CYSTM1: variants seen among roughly 807,000 people sequenced by gnomAD.
CYSTM1 encodes cysteine rich transmembrane module containing 1.
CYSTM1 carries 4 observed loss-of-function variants against 13.1 expected under a neutral mutation model. The observed-to-expected ratio is 0.31, with a 90% CI of 0.15 to 0.70. The LOEUF (loss-of-function observed/expected upper bound fraction) is 0.70. CYSTM1 is among the 30% of genes least tolerant of loss of function. The probability of loss-of-function intolerance (pLI) is 0.72; values close to 1 mark genes in which losing one functional copy is unlikely to be tolerated. For synonymous variants in CYSTM1, 36 were observed against 42.7 expected, an observed-to-expected ratio of 0.84 and a Z score of 0.62; for missense variants, 96 against 121.6, an observed-to-expected ratio of 0.79 and a Z score of 0.99.
chr5:140,206,829 C>T (rs2126662135), intron 2 of CYSTM1, among the ~76,000 whole-genome samples: 1 of 152,162 alleles, frequency 6.6e-6, no homozygotes, highest in Admixed American at 6.5e-5. Flanking sequence ...AGAGGGGTCT[C>T]ACCAAACACT....
At chr5:140,241,628 T>C (rs1257408017) in intron 2 of CYSTM1, among the ~76,000 whole-genome samples, 19 of 152,164 alleles carry the variant, frequency 1.2e-4, no homozygotes, top group Admixed American at 1.2e-3. Flanking sequence ...GAAGGGGTTA[T>C]TCAAGGGGAT....
intron 2 of CYSTM1, among the ~76,000 whole-genome samples, chr5:140,217,290 G>T (rs1004465035): frequency 6.6e-6 from 1 of 152,106 alleles, no homozygotes; most frequent in Non-Finnish European, 1.5e-5. Context: ...TAATTTGTTT[G>T]TGAAGGATTA....
chr5:140,226,578 AC>A (rs1764557566), intron 2 of CYSTM1, among the ~76,000 whole-genome samples: 2 of 96,984 alleles, frequency 2.1e-5, no homozygotes, highest in African/African-American at 7.8e-5. Context: ...TATATTATAT[AC>A]TAAATATTAT....
intron 2 of CYSTM1, among the ~76,000 whole-genome samples, chr5:140,214,924 T>C (rs1177106387): frequency 2.0e-5 from 3 of 152,224 alleles, no homozygotes; most frequent in Admixed American, 1.3e-4. Flanking sequence ...TAGGATATAT[T>C]CTTCCCAGTA....
In CYSTM1 at chr5:140,194,748, T is replaced by C. The variant is rs145222549; in HGVS notation, c.187+96T>C. 2.8e-6 allele frequency: 4 copies of C among 1,433,168 alleles called. No homozygotes were observed. The African/African-American group carries it at 5.8e-5, about 21-fold the overall frequency. 88.8% of individuals were successfully genotyped at this position (1,433,168 alleles called of 1,614,324 possible). ...CAGAGAAGAAATTCTTTCCAGCCTT[T>C]GCAACTTGTGCTTGATGTCCCCAAA... On this transcript the variant is annotated intron_variant, in intron 2 of 2. Transcript: ENST00000261811.
rs2126666668 is a variant in CYSTM1 at position 140,219,232 on chromosome 5, G to A, written c.188-24073G>A. On this transcript the variant is annotated intron_variant, in intron 2 of 2. Transcript: ENST00000261811. This position sits in a 1 kb window ranked among gnomAD's most constrained non-coding sequence, Gnocchi z 4.1. The stretch of plus-strand genomic sequence containing the variant: ...TCAGTGGGTAAAGTGGGGATTTTCA[G>A]GACCATTTGCCCTTGATTCTAGGTG... 6.6e-6 allele frequency among the ~76,000 whole-genome samples: 1 copy of A among 152,244 alleles called. No homozygotes were observed. The highest frequency in any genetic ancestry group is 2.1e-4 in the South Asian group (1 of 4,814).
intron 1 of CYSTM1, among the ~76,000 whole-genome samples, chr5:140,180,020 C>G (rs1763945353): frequency 6.6e-6 from 1 of 152,056 alleles, no homozygotes; most frequent in South Asian, 2.1e-4. Flanking sequence ...TTTGGAGTGC[C>G]TGGAGTAAAC....
At chr5:140,234,770 G>A (rs1469664082) in intron 2 of CYSTM1, among the ~76,000 whole-genome samples, 2 of 152,120 alleles carry the variant, frequency 1.3e-5, no homozygotes, top group African/African-American at 4.8e-5. Context: ...ATTCACAACC[G>A]TGGTCTTCCT....
chr5:140,194,363 T>G, intron 1 of CYSTM1, 83 bp from the exon 2 acceptor site: 1 of 1,321,802 alleles, frequency 7.6e-7, no homozygotes, highest in Non-Finnish European at 1.0e-6. Flanking sequence ...AGGTATTTTG[T>G]AAATGATCTT....
chr5:140,217,154 A>G (rs79599592), intron 2 of CYSTM1, among the ~76,000 whole-genome samples: 2,527 of 152,126 alleles, frequency 0.017, 33 homozygotes, highest in Admixed American at 0.032. Flanking sequence ...AAATGAGTCC[A>G]TTTGCTAGCC....
At chr5:140,234,246 A>G (rs1237057056) in intron 2 of CYSTM1, among the ~76,000 whole-genome samples, 1 of 152,176 alleles carries the variant, frequency 6.6e-6, no homozygotes, top group Admixed American at 6.5e-5. Flanking sequence ...TTATGTGTCA[A>G]ACCAGTTAGC....
At chr5:140,242,805 G>A (rs1764766626) in intron 2 of CYSTM1, among the ~76,000 whole-genome samples, 1 of 152,192 alleles carries the variant, frequency 6.6e-6, no homozygotes, top group African/African-American at 2.4e-5. Flanking sequence ...AAGGTATAGA[G>A]GTTGGGGGCA....
intron 2 of CYSTM1, among the ~76,000 whole-genome samples, chr5:140,241,433 A>T (rs2126674257): frequency 6.6e-6 from 1 of 152,286 alleles, no homozygotes; most frequent in Non-Finnish European, 1.5e-5. Flanking sequence ...GAATACCTCA[A>T]TAAATGGTAA....
At chr5:140,196,432 T>A (rs2126658258) in intron 2 of CYSTM1, among the ~76,000 whole-genome samples, 1 of 152,360 alleles carries the variant, frequency 6.6e-6, no homozygotes, top group Admixed American at 6.5e-5. Flanking sequence ...GATGATTCTC[T>A]AGAATAAGAA....
chr5:140,215,217 A>G (rs1005400695), intron 2 of CYSTM1, among the ~76,000 whole-genome samples: 5 of 152,240 alleles, frequency 3.3e-5, no homozygotes, highest in African/African-American at 9.6e-5. Context: ...TAAAAAATCA[A>G]TTATATTCTG....
chr5:140,226,894 C>A (rs1019561411), intron 2 of CYSTM1, among the ~76,000 whole-genome samples: 1 of 151,810 alleles, frequency 6.6e-6, no homozygotes, highest in Non-Finnish European at 1.5e-5. Flanking sequence ...GCTGAGTAGA[C>A]GCTGAAGTTC....
intron 2 of CYSTM1, among the ~76,000 whole-genome samples, chr5:140,231,745 A>ATGG (rs1267046588): frequency 6.6e-6 from 1 of 152,236 alleles, no homozygotes; most frequent in Non-Finnish European, 1.5e-5. Context: ...GGCAGGAAAG[A>ATGG]TGGTGGCTCA....
At chr5:140,198,328 T>G (rs1327496600) in intron 2 of CYSTM1, among the ~76,000 whole-genome samples, 1 of 152,238 alleles carries the variant, frequency 6.6e-6, no homozygotes. Flanking sequence ...CTGAGTTGGC[T>G]GGGAGGCTCT....
rs1348220857 is a variant in CYSTM1, at chr5:140,175,883, T to G, written c.-21+598T>G. Among the ~76,000 whole-genome samples the G allele has an allele frequency of 6.6e-6, 1 of 151,986 alleles. No homozygotes were observed. The highest frequency in any genetic ancestry group is 1.5e-5 in the Non-Finnish European group (1 of 67,976). On this transcript the variant is annotated intron_variant, in intron 1 of 2. Coordinates refer to ENST00000261811, the MANE Select transcript of CYSTM1 (RefSeq NM_032412.4). The surrounding 1 kb of genome is among the most constrained non-coding windows in gnomAD (Gnocchi z 4.9). ...TGCTGTTGAGAGCCGTGGATTGGGA[T>G]CTGAGCGGACCTGTTGGAGGAAGTG...
Sources: gnomAD v4.1 joint callset for allele counts (sites outside exome capture counted in the v4.1 genomes callset) on GRCh38, gnomAD v4.1.1 for gene constraint, Gnocchi (gnomAD v3.1) non-coding constraint, MANE v1.5 for transcripts, NCBI Gene and HGNC (gene_info 2026-07-23, HGNC 2026-07-21) for gene names.